USP15: variants seen among roughly 807,000 people sequenced by gnomAD.
The protein encoded by USP15 is ubiquitin carboxyl-terminal hydrolase 15.
USP15 carries 18 observed loss-of-function variants against 127.1 expected under a neutral mutation model. The observed-to-expected ratio is 0.14, with a 90% CI of 0.10 to 0.21. The LOEUF (loss-of-function observed/expected upper bound fraction) is 0.21. USP15 is among the 10% of genes least tolerant of loss of function. The probability of loss-of-function intolerance (pLI) is 1.00; values close to 1 mark genes in which losing one functional copy is unlikely to be tolerated. For missense variants in USP15, 805 were observed against 1,159.9 expected, an observed-to-expected ratio of 0.69 and a Z score of 4.44; for synonymous variants, 364 against 393.7, an observed-to-expected ratio of 0.92 and a Z score of 0.89.
intron 1 of USP15, among the ~76,000 whole-genome samples, chr12:62,282,826 A>G (rs1288767315): frequency 1.3e-5 from 2 of 152,232 alleles, no homozygotes; most frequent in African/African-American, 2.4e-5. Flanking sequence ...GTATAACTGT[A>G]AAGGATTTAT....
chr12:62,390,527 T>C (rs1426058029), intron 14 of USP15, among the ~76,000 whole-genome samples: 1 of 152,146 alleles, frequency 6.6e-6, no homozygotes, highest in Non-Finnish European at 1.5e-5. Flanking sequence ...CTAATTATTA[T>C]AGTTTCATAA....
rs180966787 is a variant in USP15, at chr12:62,327,555, A to T, written c.683+1622A>T. On this transcript the variant is annotated intron_variant, in intron 6 of 21. Transcript: ENST00000280377. ...ACAAAATTGTTTGTGGATTAATATTAAAAAAAACCCATGAGTTCTAAAGAT... is the reference window on the plus strand; with the variant it reads ...ACAAAATTGTTTGTGGATTAATATTTAAAAAAACCCATGAGTTCTAAAGAT... 1.1e-3 allele frequency: 400 copies of T among 372,204 alleles called. 4 individuals are homozygous for T. Among genetic ancestry groups the T allele is most frequent in the Middle Eastern group, 3.7e-3 (4 of 1,094 alleles). 23.1% of individuals were successfully genotyped at this position (372,204 alleles called of 1,614,324 possible).
intron 8 of USP15, 140 bp from the exon 9 acceptor site, chr12:62,381,350 C>A: frequency 3.4e-6 from 2 of 591,434 alleles, no homozygotes; most frequent in Non-Finnish European, 5.4e-6. Flanking sequence ...TTTATTTGAC[C>A]AGTTATTAGT....
chr12:62,279,575 C>G (rs1427868171), intron 1 of USP15, among the ~76,000 whole-genome samples: 1 of 152,002 alleles, frequency 6.6e-6, no homozygotes, highest in Non-Finnish European at 1.5e-5. Context: ...AGCCAGTGCA[C>G]CATATTATAT....
chr12:62,388,049 G>A (rs1383497977), intron 11 of USP15, among the ~76,000 whole-genome samples: 1 of 151,134 alleles, frequency 6.6e-6, no homozygotes, highest in Non-Finnish European at 1.5e-5. Flanking sequence ...CTGTTTTTGA[G>A]ATGAAATAGG....
intron 1 of USP15, chr12:62,274,235 C>G (rs1200715119): frequency 1.3e-5 from 2 of 152,210 alleles, no homozygotes; most frequent in African/African-American, 4.8e-5. Context: ...TGGTTCACAC[C>G]TGTAATCCCA....
chr12:62,350,024 T>A (rs1406498182), intron 7 of USP15, among the ~76,000 whole-genome samples: 1 of 151,972 alleles, frequency 6.6e-6, no homozygotes, highest in African/African-American at 2.4e-5. Context: ...CCTTTTATTT[T>A]TTTTTGACAT....
intron 3 of USP15, among the ~76,000 whole-genome samples, chr12:62,311,004 T>G (rs543920836): frequency 6.6e-6 from 1 of 152,164 alleles, no homozygotes; most frequent in Admixed American, 6.6e-5. Context: ...TTTATATACC[T>G]GTTGGCCATT....
chr12:62,343,771 A>T (rs1404493748), intron 6 of USP15, among the ~76,000 whole-genome samples: 3 of 152,134 alleles, frequency 2.0e-5, no homozygotes, highest in African/African-American at 7.2e-5. Flanking sequence ...TCAGTTGGAA[A>T]TGCAGAAATC....
At chr12:62,299,112 A>C (rs1346566505) in intron 2 of USP15, among the ~76,000 whole-genome samples, 1 of 151,952 alleles carries the variant, frequency 6.6e-6, no homozygotes, top group Non-Finnish European at 1.5e-5. Flanking sequence ...ATCATACAAT[A>C]TGTGTGTTTT....
At chr12:62,326,000 C>A in intron 6 of USP15, 67 bp downstream of exon 6, 1 of 1,364,226 alleles carries the variant, frequency 7.3e-7, no homozygotes, top group Non-Finnish European at 1.0e-6. Flanking sequence ...ATAATCAAAT[C>A]CACAATGATA....
chr12:62,403,110 T>C (rs955424239), intron 21 of USP15, among the ~76,000 whole-genome samples: 22 of 152,216 alleles, frequency 1.4e-4, no homozygotes, highest in African/African-American at 4.8e-4. Context: ...GATGCCTGTA[T>C]GATAGCTGTG....
intron 3 of USP15, among the ~76,000 whole-genome samples, chr12:62,312,802 T>G (rs1353873990): frequency 6.6e-6 from 1 of 151,682 alleles, no homozygotes; most frequent in Non-Finnish European, 1.5e-5. Flanking sequence ...GACCATCATT[T>G]TCAATGCATA....
chr12:62,413,538 C>T lies in USP15; in HGVS notation c.*9163C>T, dbSNP rs539283699. ...TCTACTTTAGCAGTTGCTGCTTCAC[C>T]TTATGCTTGTCTGTTGTGGAGACAG... On this transcript the variant is annotated 3_prime_UTR_variant, in exon 22 of 22. Coordinates refer to ENST00000280377, the MANE Select transcript of USP15 (RefSeq NM_001252078.2). 2.0e-5 allele frequency: 3 copies of T among 152,264 alleles called. No homozygotes were observed. The highest frequency in any genetic ancestry group is 7.2e-5 in the African/African-American group (3 of 41,538). The allele number at this position is 152,264 out of a possible 1,614,324, so 9.4% of individuals were successfully genotyped here.
At position 62,408,544 on chromosome 12, in the gene USP15, G is replaced by C. The variant is rs910696812; in HGVS notation, c.*4169G>C. On this transcript the variant is annotated 3_prime_UTR_variant, in exon 22 of 22. Coordinates refer to ENST00000280377, the MANE Select transcript of USP15 (RefSeq NM_001252078.2). Reference sequence around the variant, plus strand: ...AAGTTTTTGCTCATTTTTTTTGTTTGTTTTTACTTTACAAAAAAATAAAAA... The same window carrying C: ...AAGTTTTTGCTCATTTTTTTTGTTTCTTTTTACTTTACAAAAAAATAAAAA... 2.5e-4 allele frequency: 38 copies of C among 151,782 alleles called. No homozygotes were observed. The highest frequency in any genetic ancestry group is 2.5e-3 in the Admixed American group (38 of 15,224). 9.4% of individuals were successfully genotyped at this position (151,782 alleles called of 1,614,324 possible). A position where few individuals can be genotyped will look rare whatever the true frequency, so the allele number is the denominator to read the frequency against.
intron 3 of USP15, among the ~76,000 whole-genome samples, chr12:62,311,157 C>T (rs774427587): frequency 2.3e-4 from 35 of 151,800 alleles, no homozygotes; most frequent in Non-Finnish European, 4.9e-4. Flanking sequence ...ATTTTCTACA[C>T]TTCAACAGGT....
intron 8 of USP15, among the ~76,000 whole-genome samples, chr12:62,366,332 C>G (rs971277261): frequency 6.6e-6 from 1 of 152,166 alleles, no homozygotes; most frequent in Non-Finnish European, 1.5e-5. Context: ...GAAGTGCACT[C>G]ATGATTTGGC....
At chr12:62,341,252 A>G (rs1311475811) in intron 6 of USP15, among the ~76,000 whole-genome samples, 11 of 145,644 alleles carry the variant, frequency 7.6e-5, no homozygotes, top group African/African-American at 2.8e-4. Context: ...CCAACCCTTT[A>G]TTTTGAGCCT....
intron 1 of USP15, among the ~76,000 whole-genome samples, chr12:62,272,198 G>A (rs367800874): frequency 6.6e-6 from 1 of 151,746 alleles, no homozygotes; most frequent in Non-Finnish European, 1.5e-5. Context: ...TTAGTCATAA[G>A]AGTGAATTAG....
Sources: gnomAD v4.1 joint callset for allele counts (sites outside exome capture counted in the v4.1 genomes callset) on GRCh38, gnomAD v4.1.1 for gene constraint, MANE v1.5 for transcripts, NCBI Gene and HGNC (gene_info 2026-07-23, HGNC 2026-07-21) for gene names.